Variants in DRC11 observed in about 807,000 individuals in gnomAD.
DRC11 encodes dynein regulatory complex subunit 11.
At chr2:236,457,274 T>C in the DRC11 span, among the ~76,000 whole-genome samples, 1 of 151,482 alleles carries the variant, frequency 6.6e-6, no homozygotes, top group Non-Finnish European at 1.5e-5. The surrounding 1 kb of genome is among the most constrained non-coding windows in gnomAD (Gnocchi z 4.7). Context: ...AAATTAAAAA[T>C]TCAGATCCTC....
chr2:236,389,876 T>C, the DRC11 span, among the ~76,000 whole-genome samples: 1 of 152,238 alleles, frequency 6.6e-6, no homozygotes, highest in Non-Finnish European at 1.5e-5. Flanking sequence ...AATATTCTTA[T>C]ATTTATTAAG....
chr2:236,499,846 C>A, the DRC11 span, among the ~76,000 whole-genome samples: 4 of 152,154 alleles, frequency 2.6e-5, no homozygotes, highest in Admixed American at 1.3e-4. This position sits in a 1 kb window ranked among gnomAD's most constrained non-coding sequence, Gnocchi z 4.7. Context: ...AGATAAGTAT[C>A]CATGGTTAAC....
At chr2:236,331,106 G>A in the DRC11 span, among the ~76,000 whole-genome samples, 6 of 152,244 alleles carry the variant, frequency 3.9e-5, no homozygotes, top group East Asian at 9.7e-4. The surrounding 1 kb of genome is among the most constrained non-coding windows in gnomAD (Gnocchi z 4.8). Context: ...GAATCCAATG[G>A]TGTTGAAGCT....
chr2:236,442,209 A>G, the DRC11 span, among the ~76,000 whole-genome samples: 1 of 152,244 alleles, frequency 6.6e-6, no homozygotes, highest in African/African-American at 2.4e-5. Flanking sequence ...TTTTATGGAT[A>G]ATAAATATAT....
the DRC11 span, chr2:236,419,303 C>A: frequency 6.6e-7 from 1 of 1,516,512 alleles, no homozygotes; most frequent in Non-Finnish European, 8.8e-7. This position sits in a 1 kb window ranked among gnomAD's most constrained non-coding sequence, Gnocchi z 4.8. Flanking sequence ...ATACCATTTT[C>A]ATAGATCCCT....
the DRC11 span, among the ~76,000 whole-genome samples, chr2:236,467,423 C>G: frequency 6.6e-6 from 1 of 152,166 alleles, no homozygotes; most frequent in African/African-American, 2.4e-5. Flanking sequence ...TTAGCTTTAT[C>G]TTCCAGAAAC....
chr2:236,501,943 A>T, the DRC11 span, among the ~76,000 whole-genome samples: 1 of 152,220 alleles, frequency 6.6e-6, no homozygotes, highest in Non-Finnish European at 1.5e-5. Context: ...AGTTCAACAC[A>T]GAGGAAAGCA....
At chr2:236,394,953 TGAAAATGATGCA>T in the DRC11 span, among the ~76,000 whole-genome samples, 2 of 152,220 alleles carry the variant, frequency 1.3e-5, no homozygotes, top group African/African-American at 4.8e-5. The surrounding 1 kb of genome is among the most constrained non-coding windows in gnomAD (Gnocchi z 7.0). Flanking sequence ...GGCAGGTTTT[TGAAAATGATGCA>T]GAAAATGATG....
At chr2:236,465,801 T>C in the DRC11 span, 1 of 791,332 alleles carries the variant, frequency 1.3e-6, no homozygotes, top group East Asian at 2.6e-5. The surrounding 1 kb of genome is among the most constrained non-coding windows in gnomAD (Gnocchi z 6.2). Flanking sequence ...GTTAATATCT[T>C]CCATAGTGTC....
the DRC11 span, among the ~76,000 whole-genome samples, chr2:236,404,880 T>C: frequency 6.6e-6 from 1 of 152,196 alleles, no homozygotes; most frequent in South Asian, 2.1e-4. Context: ...TAGATCAAGG[T>C]GCAGATTCTG....
At chr2:236,440,415 C>A in the DRC11 span, among the ~76,000 whole-genome samples, 2 of 152,124 alleles carry the variant, frequency 1.3e-5, no homozygotes, top group African/African-American at 4.8e-5. Context: ...GAGTATAATG[C>A]AAATCTTCTC....
At chr2:236,453,862 G>C in the DRC11 span, among the ~76,000 whole-genome samples, 4 of 152,120 alleles carry the variant, frequency 2.6e-5, no homozygotes, top group South Asian at 2.1e-4. This position sits in a 1 kb window ranked among gnomAD's most constrained non-coding sequence, Gnocchi z 4.9. Flanking sequence ...GGCTGGTCTC[G>C]AACTCCTGAC....
At chr2:236,335,193 C>T in the DRC11 span, among the ~76,000 whole-genome samples, 8 of 152,176 alleles carry the variant, frequency 5.3e-5, no homozygotes, top group African/African-American at 1.9e-4. The surrounding 1 kb of genome is among the most constrained non-coding windows in gnomAD (Gnocchi z 5.6). Flanking sequence ...AAGCCACCGT[C>T]TATGTTACGG....
chr2:236,468,319 T>C, the DRC11 span, among the ~76,000 whole-genome samples: 2 of 152,158 alleles, frequency 1.3e-5, no homozygotes, highest in South Asian at 2.1e-4. Flanking sequence ...CTTGAACTCC[T>C]AGACTCAGGC....
chr2:236,448,512 T>C, the DRC11 span, among the ~76,000 whole-genome samples: 1 of 152,172 alleles, frequency 6.6e-6, no homozygotes, highest in Non-Finnish European at 1.5e-5. The surrounding 1 kb of genome is among the most constrained non-coding windows in gnomAD (Gnocchi z 5.3). Flanking sequence ...ATTTTTGTAT[T>C]TTTAGTAGAT....
the DRC11 span, among the ~76,000 whole-genome samples, chr2:236,446,877 C>A: frequency 6.8e-6 from 1 of 147,870 alleles, no homozygotes; most frequent in African/African-American, 2.7e-5. The surrounding 1 kb of genome is among the most constrained non-coding windows in gnomAD (Gnocchi z 6.2). Context: ...CCACCTCGGA[C>A]CTGTCTTGCC....
the DRC11 span, among the ~76,000 whole-genome samples, chr2:236,388,973 C>T: frequency 5.9e-5 from 9 of 152,204 alleles, no homozygotes; most frequent in East Asian, 1.9e-4. Flanking sequence ...TTAGGCTGCT[C>T]GGGGGTCAGG....
the DRC11 span, among the ~76,000 whole-genome samples, chr2:236,355,825 AG>A: frequency 3.3e-5 from 5 of 152,068 alleles, no homozygotes; most frequent in Non-Finnish European, 5.9e-5. Context: ...CAGGAAGAGA[AG>A]TCTTCTTCTA....
At chr2:236,491,219 G>GTATATATA in the DRC11 span, among the ~76,000 whole-genome samples, 12 of 19,564 alleles carry the variant, frequency 6.1e-4, no homozygotes, top group African/African-American at 2.0e-3. Context: ...TATACACACA[G>GTATATATA]TATATATATA....
Sources: allele counts gnomAD v4.1 joint callset (sites outside exome capture counted in the v4.1 genomes callset), GRCh38; gene constraint gnomAD v4.1.1; non-coding constraint Gnocchi (gnomAD v3.1); transcripts MANE v1.5; gene names NCBI Gene and HGNC (gene_info 2026-07-23, HGNC 2026-07-21).